The following ADAMDEC1 variants were observed in gnomAD, a reference collection of about 807,000 sequenced individuals.
The protein encoded by ADAMDEC1 is ADAM DEC1.
In ADAMDEC1, 62 loss-of-function variants were observed where a neutral mutation model predicts 60.4. The observed-to-expected ratio is 1.03, with a 90% CI of 0.84 to 1.27. The LOEUF (loss-of-function observed/expected upper bound fraction) is 1.27. Ranked by LOEUF, ADAMDEC1 falls within the 50% of genes most tolerant of loss-of-function variation. The probability of loss-of-function intolerance (pLI) is 0.00; values close to 1 mark genes in which losing one functional copy is unlikely to be tolerated. For missense variants in ADAMDEC1, 595 were observed against 565.0 expected, an observed-to-expected ratio of 1.05 and a Z score of -0.54; for synonymous variants, 210 against 195.1, an observed-to-expected ratio of 1.08 and a Z score of -0.64.
At chr8:24,392,430 A>G in intron 2 of ADAMDEC1, 50 bp downstream of exon 2, 1 of 1,381,906 alleles carries the variant, frequency 7.2e-7, no homozygotes, top group Non-Finnish European at 1.0e-6. Flanking sequence ...CCAAAGAGAC[A>G]ATAAAAAGCC....
intron 4 of ADAMDEC1, 35 bp from the exon 5 acceptor site, chr8:24,395,682 ACAC>A: frequency 1.4e-6 from 2 of 1,415,134 alleles, no homozygotes; most frequent in South Asian, 1.2e-5. Flanking sequence ...ACACACACAC[ACAC>A]ATTTCTGAAG....
intron 4 of ADAMDEC1, among the ~76,000 whole-genome samples, chr8:24,394,945 A>C (rs1187064185): frequency 6.6e-6 from 1 of 152,232 alleles, no homozygotes; most frequent in Non-Finnish European, 1.5e-5. Context: ...TGTTGACGAT[A>C]TCTCTTCCAA....
chr8:24,392,019 C>G (rs1337704766), intron 1 of ADAMDEC1, among the ~76,000 whole-genome samples: 1 of 151,712 alleles, frequency 6.6e-6, no homozygotes, highest in Non-Finnish European at 1.5e-5. Context: ...GAGAGATCAT[C>G]TAAAGAATTG....
rs779897571 is a variant in ADAMDEC1 at position 24,404,062 on chromosome 8, C to T, written c.1380C>T (p.Cys460=). The T allele has an allele frequency of 1.3e-5, 21 of 1,613,510 alleles. No homozygotes were observed. The highest frequency in any genetic ancestry group is 6.7e-5 in the Admixed American group (4 of 59,946). ...LTCKLKPGTD[C]GGDAPNHTTE is the part of the protein sequence containing the mutation. ...GTAAACTGAAGCCTGGAACTGATTG[C>T]GGAGGAGATGCTCCAAACCATACCA... The change falls in exon 13 of 14, where the codon TGC becomes TGT. Residue 460 remains cysteine, a synonymous_variant. Transcript: ENST00000256412.
rs780392947 is a variant in ADAMDEC1 at position 24,397,454 on chromosome 8, G to A, written c.625G>A (p.Glu209Lys). Residue 209 changes from glutamate (E) to lysine (K), a missense_variant and splice_region_variant, in exon 6 of 14, where the codon GAG (glutamate) becomes AAG (lysine). Transcript: ENST00000256412. ...AATCTCTAGATCACTCAAAAGCCCA[G>A]AGGTGAATACAATTCCCTTACCTCA... ...IRISRSLKSP[E>K]KEDFLRAQKY... The A allele has an allele frequency of 1.1e-5, 17 of 1,613,276 alleles. No individual in the cohort carries two copies. Among genetic ancestry groups the A allele is most frequent in the Non-Finnish European group, 1.4e-5 (16 of 1,179,760 alleles).
chr8:24,400,122 C>G, intron 10 of ADAMDEC1, 48 bp from the exon 11 acceptor site: 2 of 1,425,852 alleles, frequency 1.4e-6, no homozygotes, highest in Non-Finnish European at 1.9e-6. Context: ...TGCACATTGG[C>G]AACAATTAAA....
chr8:24,390,420 G>C (rs1169333841), intron 1 of ADAMDEC1, among the ~76,000 whole-genome samples: 1 of 152,126 alleles, frequency 6.6e-6, no homozygotes, highest in Admixed American at 6.6e-5. Context: ...CATTTTGATA[G>C]TCATTAAAAA....
intron 5 of ADAMDEC1, among the ~76,000 whole-genome samples, 187 bp from the exon 6 acceptor site, chr8:24,397,083 G>T (rs1287222451): frequency 6.6e-6 from 1 of 152,132 alleles, no homozygotes; most frequent in Non-Finnish European, 1.5e-5. Context: ...TGGTAAATAA[G>T]TTAGGCTTCA....
At position 24,397,126 on chromosome 8, in the gene ADAMDEC1, A is replaced by G. The variant is rs565620140; in HGVS notation, c.441-144A>G. On this transcript the variant is annotated intron_variant, in intron 5 of 13. Coordinates refer to ENST00000256412, the MANE Select transcript of ADAMDEC1 (RefSeq NM_014479.3). Reference sequence around the variant, plus strand: ...TCGACAAATAGTGATTCTAACTTACATTACCAGAAGTTAGCTGAAAGGTCT... The same window carrying G: ...TCGACAAATAGTGATTCTAACTTACGTTACCAGAAGTTAGCTGAAAGGTCT... 7 of 611,748 alleles carry G rather than the reference A, an allele frequency of 1.1e-5. No homozygotes were observed. In the East Asian group the frequency reaches 1.8e-4, roughly 16 times the overall value. 37.9% of individuals were successfully genotyped at this position (611,748 alleles called of 1,614,324 possible).
At chr8:24,385,963 A>T (rs1232948706) in intron 1 of ADAMDEC1, among the ~76,000 whole-genome samples, 1 of 151,908 alleles carries the variant, frequency 6.6e-6, no homozygotes, top group African/African-American at 2.4e-5. Context: ...AAATCTACAT[A>T]TCTTTTTTCC....
In ADAMDEC1 at chr8:24,384,373, T is replaced by C; in HGVS notation, c.-132T>C. The C allele has an allele frequency of 1.4e-6, 1 of 689,952 alleles. No individual in the cohort carries two copies. The highest frequency in any genetic ancestry group is 2.3e-6 in the Non-Finnish European group (1 of 425,850). The allele number at this position is 689,952 out of a possible 1,614,324, so 42.7% of individuals were successfully genotyped here. Reference sequence around the variant, plus strand: ...CTCATGATGTTGACACTGCAATTTTTTGACAATTTCCCAACACTCTTAAGA... The same window carrying C: ...CTCATGATGTTGACACTGCAATTTTCTGACAATTTCCCAACACTCTTAAGA... On this transcript the variant is annotated 5_prime_UTR_variant, in exon 1 of 14. Coordinates refer to ENST00000256412, the MANE Select transcript of ADAMDEC1 (RefSeq NM_014479.3).
chr8:24,402,812 T>A, intron 12 of ADAMDEC1, among the ~76,000 whole-genome samples: 1 of 152,156 alleles, frequency 6.6e-6, no homozygotes, highest in East Asian at 1.9e-4. Context: ...TTTAGCTGGT[T>A]AGATTAGATC....
At chr8:24,384,756 A>C (rs372423249) in intron 1 of ADAMDEC1, among the ~76,000 whole-genome samples, 164 bp downstream of exon 1, 2 of 152,204 alleles carry the variant, frequency 1.3e-5, no homozygotes, top group Non-Finnish European at 2.9e-5. Flanking sequence ...CTATATATAC[A>C]TAAGTATGTG....
intron 13 of ADAMDEC1, among the ~76,000 whole-genome samples, chr8:24,404,602 G>C (rs1585818463): frequency 6.6e-6 from 1 of 152,100 alleles, no homozygotes; most frequent in Non-Finnish European, 1.5e-5. Flanking sequence ...AGCTGGGCTA[G>C]GGAACCCAGT....
In ADAMDEC1 at chr8:24,397,475, C is replaced by G. The variant is rs1460506620; in HGVS notation, c.627+19C>G. The G allele has an allele frequency of 6.2e-7, 1 of 1,607,822 alleles. No individual in the cohort carries two copies. The highest frequency in any genetic ancestry group is 1.7e-5 in the Admixed American group (1 of 57,990). On this transcript the variant is annotated intron_variant, in intron 6 of 13. Transcript: ENST00000256412. ...CCCAGAGGTGAATACAATTCCCTTA[C>G]CTCATCATTTACTTCAATTGTCTCA...
In ADAMDEC1 at chr8:24,405,988, G is replaced by A. The variant is rs1003939774; in HGVS notation, c.*690G>A. On this transcript the variant is annotated 3_prime_UTR_variant, in exon 14 of 14. Transcript: ENST00000256412. ...GCTTAATGATTTATTGAACCATAAT[G>A]TCAATAAAAACACAACTTTTGAGGC... 6.6e-6 allele frequency: 1 copy of A among 152,112 alleles called. No individual in the cohort carries two copies. The highest frequency in any genetic ancestry group is 2.4e-5 in the African/African-American group (1 of 41,432). The allele number at this position is 152,112 out of a possible 1,614,324, so 9.4% of individuals were successfully genotyped here.
intron 12 of ADAMDEC1, among the ~76,000 whole-genome samples, chr8:24,402,312 G>C (rs1373696440): frequency 6.6e-6 from 1 of 152,140 alleles, no homozygotes; most frequent in Non-Finnish European, 1.5e-5. Context: ...ATGTAAAAAA[G>C]TAAATTGTTA....
intron 12 of ADAMDEC1, among the ~76,000 whole-genome samples, chr8:24,403,310 T>A (rs375470746): frequency 2.6e-5 from 4 of 152,122 alleles, no homozygotes; most frequent in East Asian, 3.8e-4. Context: ...AGTAATCCAA[T>A]TTCTCATAGA....
chr8:24,399,135 C>T, intron 9 of ADAMDEC1, 95 bp downstream of exon 9: 1 of 1,377,356 alleles, frequency 7.3e-7, no homozygotes, highest in Non-Finnish European at 9.8e-7. Flanking sequence ...TTTCCCTGAT[C>T]AACTGTCAGA....
Sources: gnomAD v4.1 joint callset for allele counts (sites outside exome capture counted in the v4.1 genomes callset) on GRCh38, gnomAD v4.1.1 for gene constraint, MANE v1.5 for transcripts, NCBI Gene and HGNC (gene_info 2026-07-23, HGNC 2026-07-21) for gene names.